GREM2: variants seen among roughly 807,000 people sequenced by gnomAD.
GREM2 encodes the protein gremlin-2.
Under a neutral mutation model 14.2 loss-of-function variants are expected in GREM2, and 11 were observed. The ratio of observed to expected loss-of-function variants is 0.78; its 90% CI spans 0.49 to 1.28. The LOEUF (loss-of-function observed/expected upper bound fraction) is 1.28, where lower values mean the gene tolerates loss of function less well. GREM2 is among the 50% of genes most tolerant of loss of function. GREM2 has a pLI of 0.00. For missense variants in GREM2, 210 were observed against 218.5 expected, an observed-to-expected ratio of 0.96 and a Z score of 0.24; for synonymous variants, 98 against 97.6, an observed-to-expected ratio of 1.00 and a Z score of -0.02.
At chr1:240,585,638 G>A (rs982218064) in intron 1 of GREM2, among the ~76,000 whole-genome samples, 3 of 148,622 alleles carry the variant, frequency 2.0e-5, no homozygotes, top group Non-Finnish European at 4.4e-5. Flanking sequence ...GCTGAGGCAG[G>A]AGAATCGCTT....
intron 1 of GREM2, among the ~76,000 whole-genome samples, chr1:240,516,987 T>C (rs1677971042): frequency 6.6e-6 from 1 of 152,146 alleles, no homozygotes; most frequent in Admixed American, 6.5e-5. Context: ...TTAGGAAGTC[T>C]TCAAATCGCT....
Position 240,611,302 on chromosome 1 carries a change from C to T in GREM2, c.-2+582G>A, listed in dbSNP as rs1440279171. On this transcript the variant is annotated intron_variant, in intron 1 of 1. Transcript: ENST00000318160. ...AATAAGTCAGGTACACAGGAAGGAT[C>T]ACTGACAATCACGTTAAAAAATAAC... Among the ~76,000 whole-genome samples the T allele has an allele frequency of 2.6e-5, 4 of 152,304 alleles. No individual in the cohort carries two copies. The East Asian group carries it at 7.7e-4, about 29-fold the overall frequency.
intron 1 of GREM2, among the ~76,000 whole-genome samples, chr1:240,517,375 A>T (rs1030468749): frequency 2.6e-5 from 4 of 152,226 alleles, no homozygotes; most frequent in Non-Finnish European, 1.5e-5. Context: ...AATTCTTAGT[A>T]AATTTTGTGC....
chr1:240,553,213 G>A (rs750726434), intron 1 of GREM2, among the ~76,000 whole-genome samples: 1 of 152,188 alleles, frequency 6.6e-6, no homozygotes, highest in South Asian at 2.1e-4. Context: ...TATCGAGAGC[G>A]TTAGCATGAG....
At chr1:240,583,696 G>A (rs1014505180) in intron 1 of GREM2, among the ~76,000 whole-genome samples, 1 of 151,856 alleles carries the variant, frequency 6.6e-6, no homozygotes, top group Non-Finnish European at 1.5e-5. Flanking sequence ...CCACCTCCCA[G>A]GTTCAAGCCA....
chr1:240,502,928 A>G (rs190822183), intron 1 of GREM2, among the ~76,000 whole-genome samples: 145 of 152,302 alleles, frequency 9.5e-4, no homozygotes, highest in African/African-American at 3.4e-3. Flanking sequence ...CAATAAGGTA[A>G]CTGTGAGGCA....
At chr1:240,505,891 T>G (rs12086513) in intron 1 of GREM2, among the ~76,000 whole-genome samples, 2,968 of 152,174 alleles carry the variant, frequency 0.02, 104 homozygotes, top group African/African-American at 0.067. Flanking sequence ...CTACATGTAT[T>G]TTTCTTAAAA....
intron 1 of GREM2, among the ~76,000 whole-genome samples, chr1:240,564,244 G>A (rs531983558): frequency 2.1e-4 from 32 of 151,250 alleles, no homozygotes; most frequent in Non-Finnish European, 3.8e-4. Context: ...GGTGGCTCAC[G>A]CCTGTAATCC....
chr1:240,579,379 A>G (rs1239302911), intron 1 of GREM2, among the ~76,000 whole-genome samples: 5 of 152,222 alleles, frequency 3.3e-5, no homozygotes, highest in African/African-American at 1.2e-4. Flanking sequence ...GGAGACCCAC[A>G]GTGGCATTAC....
intron 1 of GREM2, among the ~76,000 whole-genome samples, chr1:240,528,810 C>A (rs1678284245): frequency 6.6e-6 from 1 of 152,106 alleles, no homozygotes; most frequent in South Asian, 2.1e-4. Context: ...TTAGAACAGT[C>A]CTTTATATCC....
chr1:240,535,091 T>C (rs1404628503), intron 1 of GREM2, among the ~76,000 whole-genome samples: 1 of 152,192 alleles, frequency 6.6e-6, no homozygotes, highest in Non-Finnish European at 1.5e-5. Flanking sequence ...GATTTGAGTC[T>C]ATAACATAGA....
intron 1 of GREM2, among the ~76,000 whole-genome samples, chr1:240,563,560 G>A (rs1216174384): frequency 1.3e-5 from 2 of 152,184 alleles, no homozygotes; most frequent in African/African-American, 4.8e-5. Context: ...CCTTTTGTCT[G>A]AGATTCCCAG....
intron 1 of GREM2, among the ~76,000 whole-genome samples, chr1:240,513,152 G>A (rs941549352): frequency 1.3e-5 from 2 of 152,188 alleles, no homozygotes; most frequent in Non-Finnish European, 2.9e-5. Context: ...AGGTTGAATG[G>A]TTAGGGGGCT....
rs908053397 is a variant in GREM2 at position 240,588,634 on chromosome 1, A to T, written c.-2+23250T>A. On this transcript the variant is annotated intron_variant, in intron 1 of 1. Transcript: ENST00000318160. ...TTCGTGCAAGGTCACGCAGCTAATT[A>T]TAAGTAGAGCCTGAACCGGAACCTA... The T allele has an allele frequency of 1.2e-4, 19 of 152,308 alleles. 1 individual carries two copies. The highest frequency in any genetic ancestry group is 4.6e-4 in the African/African-American group (19 of 41,572). The allele number at this position is 152,308 out of a possible 1,614,324, so 9.4% of individuals were successfully genotyped here.
At chr1:240,493,529 T>A in intron 1 of GREM2, 53 bp from the exon 2 acceptor site, 1 of 1,467,480 alleles carries the variant, frequency 6.8e-7, no homozygotes, top group South Asian at 1.4e-5. Context: ...GAGTACGGGA[T>A]CAATCTTACT....
chr1:240,521,994 C>A (rs1393171998), intron 1 of GREM2, among the ~76,000 whole-genome samples: 1 of 151,202 alleles, frequency 6.6e-6, no homozygotes, highest in Non-Finnish European at 1.5e-5. Context: ...GTGGCACACA[C>A]CTGTAGTCCC....
At position 240,493,463 on chromosome 1, in the gene GREM2, G is replaced by T; in HGVS notation, c.13C>A (p.Leu5Ile). 6.2e-7 allele frequency: 1 copy of T among 1,606,622 alleles called. No individual in the cohort carries two copies. The highest frequency in any genetic ancestry group is 8.5e-7 in the Non-Finnish European group (1 of 1,175,944). Residue 5 changes from leucine (L) to isoleucine (I), a missense_variant, in exon 2 of 2, where the codon CTT (leucine) becomes ATT (isoleucine). Coordinates refer to ENST00000318160, the MANE Select transcript of GREM2 (RefSeq NM_022469.4). MFWK[L>I]SLSLFLVAVL... Reference sequence around the variant, plus strand: ...GCCACCAGGAACAAGGACAGGGAAAGCTTCCAGAACATCCTGCAAACGAGA... The same window carrying T: ...GCCACCAGGAACAAGGACAGGGAAATCTTCCAGAACATCCTGCAAACGAGA...
Position 240,611,590 on chromosome 1 carries a change from A to T in GREM2, c.-2+294T>A, listed in dbSNP as rs983977352. ...TCACCAAGAGGTATTTATTGGTGGG[A>T]TGACAACATATTGGTATTGACGTTA... On this transcript the variant is annotated intron_variant, in intron 1 of 1. Transcript: ENST00000318160. Among the ~76,000 whole-genome samples, 5 of 152,234 alleles carry T rather than the reference A, an allele frequency of 3.3e-5. No homozygotes were observed. In the South Asian group the frequency reaches 1.0e-3, roughly 32 times the overall value.
intron 1 of GREM2, among the ~76,000 whole-genome samples, chr1:240,553,194 A>C (rs960167570): frequency 1.3e-5 from 2 of 152,224 alleles, no homozygotes; most frequent in African/African-American, 4.8e-5. Flanking sequence ...ATGCAAAGTC[A>C]ACGGGTTTTA....
Sources: allele counts gnomAD v4.1 joint callset (sites outside exome capture counted in the v4.1 genomes callset), GRCh38; gene constraint gnomAD v4.1.1; transcripts MANE v1.5; gene names NCBI Gene and HGNC (gene_info 2026-07-23, HGNC 2026-07-21).